Variants in SH3BP5 observed in about 807,000 individuals in gnomAD.
SH3BP5 encodes SH3 domain binding protein 5.
A neutral mutation model predicts 43.3 loss-of-function variants in SH3BP5; 22 were observed. That is an observed-to-expected ratio of 0.51 (90% CI 0.36 to 0.73). The LOEUF is 0.73. Among genes scored for constraint, SH3BP5 ranks in the 30% least tolerant of loss-of-function variants. The pLI is 0.00. For synonymous variants in SH3BP5, 255 were observed against 225.8 expected (o/e 1.13, Z -1.16); for missense variants, 529 against 586.9 (o/e 0.90, Z 1.02).
chr3:15,270,804 T>C (rs986205586), intron 3 of SH3BP5, among the ~76,000 whole-genome samples: 2 of 151,656 alleles, frequency 1.3e-5, no homozygotes, highest in Non-Finnish European at 2.9e-5. Flanking sequence ...TGGGCACCTA[T>C]AATCCCAGCT....
chr3:15,303,439 A>G (rs1381026464), intron 3 of SH3BP5, among the ~76,000 whole-genome samples: 1 of 152,200 alleles, frequency 6.6e-6, no homozygotes, highest in Non-Finnish European at 1.5e-5. Context: ...CAGAGGCTGC[A>G]GGTGACACAA....
intron 2 of SH3BP5, among the ~76,000 whole-genome samples, chr3:15,318,169 A>G (rs1368776478): frequency 6.6e-6 from 1 of 152,204 alleles, no homozygotes; most frequent in Non-Finnish European, 1.5e-5. Flanking sequence ...ACTTAGCACA[A>G]AACTTAGCAT....
At chr3:15,313,719 A>G (rs1698116584) in intron 2 of SH3BP5, among the ~76,000 whole-genome samples, 1 of 152,222 alleles carries the variant, frequency 6.6e-6, no homozygotes, top group Non-Finnish European at 1.5e-5. Flanking sequence ...CATGTGCTAC[A>G]TCTGTGCCAT....
At chr3:15,315,623 A>G (rs1277678338) in intron 2 of SH3BP5, among the ~76,000 whole-genome samples, 1 of 152,178 alleles carries the variant, frequency 6.6e-6, no homozygotes, top group Non-Finnish European at 1.5e-5. Context: ...AGTAGAACCA[A>G]TTCCCTCCTA....
At chr3:15,288,353 T>G (rs1284365357) in intron 3 of SH3BP5, among the ~76,000 whole-genome samples, 1 of 152,232 alleles carries the variant, frequency 6.6e-6, no homozygotes, top group Non-Finnish European at 1.5e-5. Flanking sequence ...AACCATCACA[T>G]GTACTAAAGT....
At chr3:15,282,017 A>G (rs528576545) in intron 3 of SH3BP5, among the ~76,000 whole-genome samples, 7 of 152,144 alleles carry the variant, frequency 4.6e-5, no homozygotes, top group Non-Finnish European at 8.8e-5. Context: ...CCCTCCCCCA[A>G]AAAAAGCACA....
At chr3:15,297,516 C>T (rs1697609477) in intron 3 of SH3BP5, among the ~76,000 whole-genome samples, 1 of 152,114 alleles carries the variant, frequency 6.6e-6, no homozygotes, top group Non-Finnish European at 1.5e-5. Context: ...CTAATTCAAT[C>T]GCTGTAGTAA....
chr3:15,317,829 C>A (rs1698221777), intron 2 of SH3BP5, among the ~76,000 whole-genome samples: 1 of 152,168 alleles, frequency 6.6e-6, no homozygotes, highest in Non-Finnish European at 1.5e-5. Context: ...TGACTGAAAT[C>A]TCGGGAGATA....
intron 5 of SH3BP5, among the ~76,000 whole-genome samples, chr3:15,261,683 A>G (rs1328358758): frequency 6.9e-6 from 1 of 144,782 alleles, no homozygotes; most frequent in Non-Finnish European, 1.5e-5. Context: ...ACAGGGCTGT[A>G]GTGAGAAGAG....
At chr3:15,277,265 C>T (rs1696998417) in intron 3 of SH3BP5, among the ~76,000 whole-genome samples, 1 of 152,224 alleles carries the variant, frequency 6.6e-6, no homozygotes, top group Admixed American at 6.5e-5. Flanking sequence ...AGCCACCACA[C>T]CCAGCCTCAT....
In SH3BP5 at chr3:15,262,202, G is replaced by A. The variant is rs771887233; in HGVS notation, c.583C>T (p.Arg195Ter). The change falls in exon 5 of 9, where the codon CGA (arginine) becomes TGA (stop). Residue 195 changes from arginine (R) to a stop codon, truncating the protein, a stop_gained. Coordinates refer to ENST00000383791, the MANE Select transcript of SH3BP5 (RefSeq NM_004844.5). LOFTEE classifies it high-confidence loss of function. ...CTCTTGAGTTTCTTCTCCAGCTGTC[G>A]CATGCGGCCCATGGCGGCATTGTAC... is the stretch of plus-strand genomic sequence containing the variant. ...ARYNAAMGRMRQLEKKLKRAI... is the reference protein window; with the variant it reads ...ARYNAAMGRM The A allele has an allele frequency of 3.7e-6, 6 of 1,613,968 alleles. No homozygotes were observed. Among genetic ancestry groups the A allele is most frequent in the African/African-American group, 2.7e-5 (2 of 74,900 alleles).
At chr3:15,287,368 G>C (rs1177030254) in intron 3 of SH3BP5, among the ~76,000 whole-genome samples, 1 of 152,228 alleles carries the variant, frequency 6.6e-6, no homozygotes. Flanking sequence ...CAAAGAAGCA[G>C]AGCTGACAAA....
At chr3:15,331,989 A>T in intron 1 of SH3BP5, 1 of 382,186 alleles carries the variant, frequency 2.6e-6, no homozygotes, top group African/African-American at 2.1e-5. Context: ...CCTTTGTTGC[A>T]CATCCACCCG....
Position 15,255,992 on chromosome 3 carries a change from T to G in SH3BP5, c.*94A>C. The G allele has an allele frequency of 9.7e-7, 1 of 1,033,434 alleles. No homozygotes were observed. The highest frequency in any genetic ancestry group is 2.0e-5 in the Admixed American group (1 of 49,106). The allele number at this position is 1,033,434 out of a possible 1,614,324, so 64.0% of individuals were successfully genotyped here. On this transcript the variant is annotated 3_prime_UTR_variant, in exon 9 of 9. Transcript: ENST00000383791. Reference sequence around the variant, plus strand: ...ATTAGAGCAGTTTAGAGTAGACGTGTAAGATTTGGCATATATTAAATGATT... The same window carrying G: ...ATTAGAGCAGTTTAGAGTAGACGTGGAAGATTTGGCATATATTAAATGATT...
intron 7 of SH3BP5, among the ~76,000 whole-genome samples, chr3:15,257,884 T>G (rs1378516555): frequency 2.0e-5 from 3 of 152,192 alleles, no homozygotes; most frequent in Admixed American, 6.5e-5. Flanking sequence ...CCATAAAGGT[T>G]TCTTATAAAT....
intron 3 of SH3BP5, among the ~76,000 whole-genome samples, chr3:15,283,207 G>C (rs996115596): frequency 6.6e-6 from 1 of 152,164 alleles, no homozygotes; most frequent in Non-Finnish European, 1.5e-5. Context: ...AGACCAGCCC[G>C]GCCAACATGG....
At chr3:15,332,696 T>G (rs779326377), upstream of SH3BP5, 232 of 1,115,100 alleles carry the variant, frequency 2.1e-4, no homozygotes, top group Non-Finnish European at 2.4e-4. Flanking sequence ...TATCCAGGTC[T>G]CCGTCGCAAA....
chr3:15,256,579 G>C lies in SH3BP5; in HGVS notation c.1150+274C>G, dbSNP rs1225076373. On this transcript the variant is annotated intron_variant, in intron 8 of 8. Coordinates refer to ENST00000383791, the MANE Select transcript of SH3BP5 (RefSeq NM_004844.5). ...TTTGCCATATTCACTTTATTGCTGA[G>C]AAACAAACCTCTCTACTATGTGCTT... 106 of 592,458 alleles carry C rather than the reference G, an allele frequency of 1.8e-4. 2 individuals carry two copies. The Admixed American group carries it at 3.3e-3, about 18-fold the overall frequency. The allele number at this position is 592,458 out of a possible 1,614,324, so 36.7% of individuals were successfully genotyped here.
At chr3:15,326,211 C>A (rs1354193414) in intron 2 of SH3BP5, among the ~76,000 whole-genome samples, 1 of 152,194 alleles carries the variant, frequency 6.6e-6, no homozygotes, top group Admixed American at 6.5e-5. Flanking sequence ...AGGTCAGAGG[C>A]AAACCCAGGT....
Sources: allele counts gnomAD v4.1 joint callset (sites outside exome capture counted in the v4.1 genomes callset), GRCh38; gene constraint gnomAD v4.1.1; transcripts MANE v1.5; gene names NCBI Gene and HGNC (gene_info 2026-07-23, HGNC 2026-07-21).